The following MAGT1 variants were observed in gnomAD, a reference collection of about 807,000 sequenced individuals.
MAGT1 encodes the protein dolichyl-diphosphooligosaccharide--protein glycosyltransferase subunit MAGT1.
In MAGT1, 4 loss-of-function variants were observed where a neutral mutation model predicts 28.4. The ratio of observed to expected loss-of-function variants is 0.14; its 90% CI spans 0.07 to 0.32. The LOEUF (loss-of-function observed/expected upper bound fraction) is 0.32. Among genes scored for constraint, MAGT1 ranks in the 10% least tolerant of loss-of-function variants. The probability of loss-of-function intolerance (pLI) is 1.00; values close to 1 mark genes in which losing one functional copy is unlikely to be tolerated. For missense variants in MAGT1, 193 were observed against 264.5 expected (o/e 0.73, Z 1.88); for synonymous variants, 89 against 89.7 (o/e 0.99, Z 0.04).
chrX:77,895,342 G>A lies in MAGT1; in HGVS notation c.69C>T (p.Asp23=). The part of the protein sequence containing the change: ...TMVVALLIVC[D]VPSASAQRKK... ...TTCTTTGGGCAGAGGCTGAGGGAAC[G>A]TCGCAAACGATGAGCAGCGCCACCA... The change falls in exon 1 of 10, where the codon GAC becomes GAT. Residue 23 remains aspartate, a synonymous_variant. Coordinates refer to ENST00000618282, the MANE Select transcript of MAGT1 (RefSeq NM_001367916.1). 1 of 1,212,214 alleles carries A rather than the reference G, an allele frequency of 8.2e-7. No homozygotes were observed. Among genetic ancestry groups the A allele is most frequent in the South Asian group, 1.8e-5 (1 of 57,045 alleles).
At chrX:77,883,555 T>C (rs6616744) in intron 1 of MAGT1, among the ~76,000 whole-genome samples, 2 of 93,244 alleles carry the variant, frequency 2.1e-5, no homozygotes, top group Non-Finnish European at 4.3e-5. Flanking sequence ...TTCATTTTCT[T>C]TTTTTTTTTT....
chrX:77,844,700 T>G (rs1156976763), intron 7 of MAGT1, among the ~76,000 whole-genome samples: 1 of 111,888 alleles, frequency 8.9e-6, no homozygotes, highest in Middle Eastern at 4.2e-3. Flanking sequence ...TTTTGTTATG[T>G]ACCCAGTAGT....
intron 1 of MAGT1, among the ~76,000 whole-genome samples, chrX:77,880,027 C>T (rs1184722189): frequency 9.7e-6 from 1 of 103,325 alleles, no homozygotes; most frequent in Non-Finnish European, 2.0e-5. Flanking sequence ...TTAGTAGGGA[C>T]GGGGTTTGAC....
chrX:77,880,090 C>T (rs1360425445), intron 1 of MAGT1, among the ~76,000 whole-genome samples: 1 of 105,668 alleles, frequency 9.5e-6, no homozygotes, highest in Admixed American at 1.0e-4. Flanking sequence ...CCACCCGCCT[C>T]AGCCTCCCAA....
intron 7 of MAGT1, among the ~76,000 whole-genome samples, chrX:77,844,529 T>C (rs1297135602): frequency 9.0e-6 from 1 of 111,598 alleles, no homozygotes; most frequent in African/African-American, 3.3e-5. Flanking sequence ...TTTCTTTTAA[T>C]TGTGATGTTA....
intron 1 of MAGT1, among the ~76,000 whole-genome samples, chrX:77,876,307 G>A (rs781913063): frequency 9.5e-6 from 1 of 105,416 alleles, no homozygotes; most frequent in African/African-American, 3.5e-5. Context: ...CACCCAGACA[G>A]AATTATTTAT....
chrX:77,852,837 A>G (rs1172301579), intron 7 of MAGT1, among the ~76,000 whole-genome samples: 8 of 111,181 alleles, frequency 7.2e-5, no homozygotes, highest in African/African-American at 2.6e-4. Context: ...GGCTCAAGCA[A>G]TCTACCCATC....
At position 77,865,122 on chromosome X, in the gene MAGT1, T is replaced by C. The variant is rs969152568; in HGVS notation, c.390+5686A>G. 7.1e-5 allele frequency among the ~76,000 whole-genome samples: 8 copies of C among 111,971 alleles called. No individual in the cohort carries two copies. In the South Asian group the frequency reaches 3.0e-3, roughly 42 times the overall value. Reference sequence around the variant, plus strand: ...ATGCACTGATTTTGATTTGTGGAGATGGCTAAGTGAGACTGGAATATGAAT... The same window carrying C: ...ATGCACTGATTTTGATTTGTGGAGACGGCTAAGTGAGACTGGAATATGAAT... On this transcript the variant is annotated intron_variant, in intron 3 of 9. Transcript: ENST00000618282.
chrX:77,862,091 C>G (rs1317859412), intron 3 of MAGT1, among the ~76,000 whole-genome samples: 1 of 111,232 alleles, frequency 9.0e-6, no homozygotes, highest in African/African-American at 3.3e-5. Flanking sequence ...CTTGTAGACT[C>G]TGAAATTCCT....
At chrX:77,838,995 T>C (rs1557214154) in intron 8 of MAGT1, among the ~76,000 whole-genome samples, 1 of 110,092 alleles carries the variant, frequency 9.1e-6, no homozygotes, top group Non-Finnish European at 1.9e-5. Flanking sequence ...ATTAATGAGA[T>C]TAATGCTGAT....
intron 1 of MAGT1, among the ~76,000 whole-genome samples, chrX:77,892,687 G>A (rs782657925): frequency 9.0e-6 from 1 of 110,854 alleles, no homozygotes; most frequent in Non-Finnish European, 1.9e-5. Context: ...GTCCCAGCTG[G>A]GAAGTCTTAG....
intron 8 of MAGT1, among the ~76,000 whole-genome samples, chrX:77,840,571 G>A (rs936144249): frequency 8.9e-6 from 1 of 111,796 alleles, no homozygotes; most frequent in Non-Finnish European, 1.9e-5. Context: ...AGCCAGGCAC[G>A]GCAGCTCACG....
At chrX:77,879,307 G>A (rs972485762) in intron 1 of MAGT1, among the ~76,000 whole-genome samples, 1 of 111,475 alleles carries the variant, frequency 9.0e-6, no homozygotes, top group African/African-American at 3.3e-5. Flanking sequence ...TGCTCGCCTC[G>A]GCCTCCCAAA....
At chrX:77,840,254 A>AG (rs1352090623) in intron 8 of MAGT1, among the ~76,000 whole-genome samples, 1 of 105,786 alleles carries the variant, frequency 9.5e-6, no homozygotes, top group Non-Finnish European at 1.9e-5. Flanking sequence ...ACAAAAAAAA[A>AG]AAAGAAAAAA....
chrX:77,876,327 A>G (rs1370329663), intron 1 of MAGT1, among the ~76,000 whole-genome samples: 1 of 107,545 alleles, frequency 9.3e-6, no homozygotes, highest in Non-Finnish European at 1.9e-5. Flanking sequence ...TTATTTACTA[A>G]TAAGATAAAA....
At chrX:77,865,939 C>T (rs62614906) in intron 3 of MAGT1, among the ~76,000 whole-genome samples, 13,290 of 59,183 alleles carry the variant, frequency 0.22, 3,465 homozygotes, top group Non-Finnish European at 0.43. Flanking sequence ...GCAGATCACC[C>T]GAGGTCAGGG....
At chrX:77,845,947 C>T (rs543274423) in intron 7 of MAGT1, among the ~76,000 whole-genome samples, 3 of 110,698 alleles carry the variant, frequency 2.7e-5, no homozygotes, top group African/African-American at 6.6e-5. Flanking sequence ...ATCTTTGTGG[C>T]GTTCTCTGTA....
intron 8 of MAGT1, among the ~76,000 whole-genome samples, chrX:77,836,693 C>T (rs191401978): frequency 9.0e-6 from 1 of 111,272 alleles, no homozygotes; most frequent in East Asian, 2.8e-4. Context: ...TGCTTGAGCC[C>T]AGGAGTTCAA....
chrX:77,889,140 ATTTTTTT>A (rs782124850), intron 1 of MAGT1, among the ~76,000 whole-genome samples: 2 of 68,281 alleles, frequency 2.9e-5, no homozygotes, highest in Non-Finnish European at 5.5e-5. Context: ...ATGCTCTGCT[ATTTTTTT>A]TTTTTTTTTT....
Sources: gnomAD v4.1 joint callset for allele counts (sites outside exome capture counted in the v4.1 genomes callset) on GRCh38, gnomAD v4.1.1 for gene constraint, MANE v1.5 for transcripts, NCBI Gene and HGNC (gene_info 2026-07-23, HGNC 2026-07-21) for gene names.